The following FAM151B variants were observed in gnomAD, a reference collection of about 807,000 sequenced individuals.
The protein encoded by FAM151B is protein FAM151B.
Under a neutral mutation model 31.2 loss-of-function variants are expected in FAM151B, and 24 were observed. The observed-to-expected ratio is 0.77, with a 90% CI of 0.56 to 1.08. The LOEUF is 1.08. FAM151B is among the 50% of genes least tolerant of loss of function. The probability of loss-of-function intolerance (pLI) is 0.00; values close to 1 mark genes in which losing one functional copy is unlikely to be tolerated. For synonymous variants in FAM151B, 105 were observed against 111.4 expected, an observed-to-expected ratio of 0.94 and a Z score of 0.36; for missense variants, 293 against 328.6, an observed-to-expected ratio of 0.89 and a Z score of 0.84.
intron 5 of FAM151B, among the ~76,000 whole-genome samples, chr5:80,529,311 C>T (rs1228094449): frequency 3.9e-5 from 6 of 152,136 alleles, no homozygotes; most frequent in Non-Finnish European, 8.8e-5. Context: ...GGCACCCTAA[C>T]ATCACAATTA....
At chr5:80,507,467 G>T (rs2112616612) in intron 2 of FAM151B, among the ~76,000 whole-genome samples, 1 of 152,124 alleles carries the variant, frequency 6.6e-6, no homozygotes, top group African/African-American at 2.4e-5. Context: ...GATTGCTTGA[G>T]ACCAGGAGTT....
At chr5:80,518,032 G>C (rs61602358) in intron 3 of FAM151B, among the ~76,000 whole-genome samples, 13,811 of 147,528 alleles carry the variant, frequency 0.094, 851 homozygotes, top group African/African-American at 0.17. Flanking sequence ...AGATCGCACC[G>C]TTGCACTCCA....
Position 80,538,486 on chromosome 5 carries a change from C to CTTT in FAM151B, c.672-3187_672-3186insTTT, listed in dbSNP as rs1561383860. 1.2e-3 allele frequency among the ~76,000 whole-genome samples: 147 copies of CTTT among 118,966 alleles called. 9 individuals are homozygous for CTTT. Among genetic ancestry groups the CTTT allele is most frequent in the African/African-American group, 5.1e-3 (138 of 27,076 alleles). 78.0% of individuals were successfully genotyped at this position (118,966 alleles called of 152,430 possible). A position where few individuals can be genotyped will look rare whatever the true frequency, so the allele number is the denominator to read the frequency against. ...TCTTTCTTTCTTTCTTTCTTTCTTT[C>CTTT]CTTCCTTCCTTCCTTTCTTTTCTTT... is the stretch of plus-strand genomic sequence containing the variant. On this transcript the variant is annotated intron_variant, in intron 5 of 5. Coordinates refer to ENST00000282226, the MANE Select transcript of FAM151B (RefSeq NM_205548.3).
At chr5:80,529,398 T>G (rs1745120251) in intron 5 of FAM151B, among the ~76,000 whole-genome samples, 2 of 151,876 alleles carry the variant, frequency 1.3e-5, no homozygotes, top group South Asian at 4.2e-4. Flanking sequence ...AGAGCAGAAC[T>G]GAAGGAGATA....
At chr5:80,531,830 G>T (rs186170816) in intron 5 of FAM151B, among the ~76,000 whole-genome samples, 48 of 152,268 alleles carry the variant, frequency 3.2e-4, no homozygotes, top group African/African-American at 1.1e-3. Context: ...ACAGTGTGGT[G>T]ATTCCTCAAG....
At chr5:80,494,910 A>C (rs553120233) in intron 1 of FAM151B, 3 of 152,264 alleles carry the variant, frequency 2.0e-5, no homozygotes, top group African/African-American at 7.2e-5. Context: ...TATTTGGCTT[A>C]AAATCTTCAA....
At chr5:80,494,026 ACTCTTT>A (rs957868001) in intron 1 of FAM151B, among the ~76,000 whole-genome samples, 6 of 151,748 alleles carry the variant, frequency 4.0e-5, no homozygotes, top group African/African-American at 1.5e-4. Flanking sequence ...CTCTCTTTGT[ACTCTTT>A]CTCTTTATTT....
intron 2 of FAM151B, among the ~76,000 whole-genome samples, chr5:80,508,477 A>G (rs1301269923): frequency 6.6e-6 from 1 of 152,012 alleles, no homozygotes; most frequent in Admixed American, 6.6e-5. Context: ...AGCTAAGTGT[A>G]TATGAATTGG....
chr5:80,523,592 C>G (rs1744816390), intron 5 of FAM151B, among the ~76,000 whole-genome samples: 1 of 152,052 alleles, frequency 6.6e-6, no homozygotes, highest in Admixed American at 6.6e-5. Flanking sequence ...CAGTCAGACA[C>G]TGTTGAATAA....
At chr5:80,502,411 T>C (rs909486556) in intron 2 of FAM151B, among the ~76,000 whole-genome samples, 1 of 152,328 alleles carries the variant, frequency 6.6e-6, no homozygotes, top group African/African-American at 2.4e-5. Context: ...TCTTTCATCA[T>C]GTACTAATGA....
chr5:80,536,567 T>G (rs2112674910), intron 5 of FAM151B, among the ~76,000 whole-genome samples: 1 of 152,218 alleles, frequency 6.6e-6, no homozygotes, highest in African/African-American at 2.4e-5. Flanking sequence ...AGAAAGGAAA[T>G]CAGTGTATCG....
chr5:80,521,947 T>G (rs1744739343), intron 4 of FAM151B, 56 bp from the exon 5 acceptor site: 1 of 1,329,196 alleles, frequency 7.5e-7, no homozygotes, highest in Non-Finnish European at 1.0e-6. Flanking sequence ...GTCTTTTATT[T>G]AATTGTCTTT....
chr5:80,538,442 T>TTCTCTCTCTC (rs1429657960), intron 5 of FAM151B, among the ~76,000 whole-genome samples: 6 of 56,618 alleles, frequency 1.1e-4, no homozygotes, highest in Non-Finnish European at 1.0e-4. Context: ...CTTTCTTTCT[T>TTCTCTCTCTC]TCTTTCTCTT....
rs1745696880 is a variant in FAM151B at position 80,538,513 on chromosome 5, T to TTCC, written c.672-3159_672-3158insCCT. On this transcript the variant is annotated intron_variant, in intron 5 of 5. Coordinates refer to ENST00000282226, the MANE Select transcript of FAM151B (RefSeq NM_205548.3). ...TTCCTTCCTTCCTTTCTTTTCTTTCTTTCCTTCCTTCCTTCCTTCCTTCCT... is the reference window on the plus strand; with the variant it reads ...TTCCTTCCTTCCTTTCTTTTCTTTCTTCCTTCCTTCCTTCCTTCCTTCCTTCCT... Among the ~76,000 whole-genome samples, 31 of 61,532 alleles carry TTCC rather than the reference T, an allele frequency of 5.0e-4. 3 individuals carry two copies. Among genetic ancestry groups the TTCC allele is most frequent in the South Asian group, 1.3e-3 (2 of 1,550 alleles). The allele number at this position is 61,532 out of a possible 152,430, so 40.4% of individuals were successfully genotyped here. A position where few individuals can be genotyped will look rare whatever the true frequency, so the allele number is the denominator to read the frequency against.
chr5:80,494,616 G>A (rs1271457264), intron 1 of FAM151B, among the ~76,000 whole-genome samples: 1 of 151,400 alleles, frequency 6.6e-6, no homozygotes, highest in Non-Finnish European at 1.5e-5. Flanking sequence ...GGGTTCAATC[G>A]ATCCTCCCAC....
chr5:80,538,456 T>TCTCTCTC (rs1561383631), intron 5 of FAM151B, among the ~76,000 whole-genome samples: 2 of 59,642 alleles, frequency 3.4e-5, no homozygotes, highest in African/African-American at 5.8e-5. Flanking sequence ...TTCTCTTTCT[T>TCTCTCTC]TCTTTCTTTC....
intron 5 of FAM151B, among the ~76,000 whole-genome samples, chr5:80,524,388 A>G (rs1230094880): frequency 6.6e-6 from 1 of 152,104 alleles, no homozygotes; most frequent in African/African-American, 2.4e-5. Context: ...AAATACAACA[A>G]TATTAACTAT....
rs752554182 is a variant in FAM151B, at chr5:80,513,734, G to A, written c.282G>A (p.Met94Ile). Residue 94 changes from methionine (M) to isoleucine (I), a missense_variant, in exon 3 of 6, where the codon ATG becomes ATA. Transcript: ENST00000282226. ...NTLQEWLTEV[M>I]KSNKGIKLDF... Reference sequence around the variant, plus strand: ...TACAGGAGTGGCTGACTGAAGTTATGAAAAGCAATAAAGGCATCAAGCTGG... The same window carrying A: ...TACAGGAGTGGCTGACTGAAGTTATAAAAAGCAATAAAGGCATCAAGCTGG... 10 of 1,612,568 alleles carry A rather than the reference G, an allele frequency of 6.2e-6. No homozygotes were observed. In the African/African-American group the frequency reaches 1.2e-4, roughly 19 times the overall value.
intron 1 of FAM151B, among the ~76,000 whole-genome samples, chr5:80,495,830 C>CAAA (rs3072031): frequency 1.1e-5 from 1 of 88,104 alleles, no homozygotes; most frequent in Non-Finnish European, 2.0e-5. Context: ...GACTCCGTCT[C>CAAA]AAAAAAAAAA....
Sources: allele counts gnomAD v4.1 joint callset (sites outside exome capture counted in the v4.1 genomes callset), GRCh38; gene constraint gnomAD v4.1.1; transcripts MANE v1.5; gene names NCBI Gene and HGNC (gene_info 2026-07-23, HGNC 2026-07-21).